TRIM39: variants seen among roughly 807,000 people sequenced by gnomAD.
The protein encoded by TRIM39 is E3 ubiquitin-protein ligase TRIM39.
A neutral mutation model predicts 53.6 loss-of-function variants in TRIM39; 5 were observed. The ratio of observed to expected loss-of-function variants is 0.09; its 90% CI spans 0.05 to 0.20. The LOEUF (loss-of-function observed/expected upper bound fraction) is 0.20, where lower values mean the gene tolerates loss of function less well. TRIM39 is among the 10% of genes least tolerant of loss of function. The pLI, the probability that TRIM39 is intolerant of heterozygous loss-of-function variation, is 1.00. For synonymous variants in TRIM39, 196 were observed against 237.6 expected (o/e 0.82, Z 1.61); for missense variants, 310 against 621.0 (o/e 0.50, Z 5.32).
chr6:30,335,871 C>G lies in TRIM39; in HGVS notation c.676C>G (p.Leu226Val). The stretch of plus-strand genomic sequence containing the variant: ...AGAGGAACAGGACATTCTGCAGCGA[C>G]TCCGAGAAAATGCTGCTCACCTTGG... The change falls in exon 5 of 8, where the codon CTC becomes GTC. Residue 226 changes from leucine to valine, a missense_variant. Around this residue, in one of 5 missense-constraint regions of TRIM39, gnomAD observed 161 missense variants for 210.0 expected, o/e 0.77. Coordinates refer to ENST00000396551, the Ensembl canonical transcript of TRIM39. This position sits in a 1 kb window ranked among gnomAD's most constrained non-coding sequence, Gnocchi z 4.7. 2 of 1,613,036 alleles carry G rather than the reference C, an allele frequency of 1.2e-6. No homozygotes were observed. The highest frequency in any genetic ancestry group is 1.7e-6 in the Non-Finnish European group (2 of 1,180,028).
rs1463729274 is a variant in TRIM39 at position 30,330,889 on chromosome 6, A to G, written c.549+13A>G. 6.2e-7 allele frequency: 1 copy of G among 1,613,584 alleles called. No homozygotes were observed. Among genetic ancestry groups the G allele is most frequent in the East Asian group, 2.2e-5 (1 of 44,896 alleles). On this transcript the variant is annotated intron_variant, in intron 4 of 7. Transcript: ENST00000396551. ...TGGTGAGCTCAAGGTAAAGGCAGGC[A>G]ATCCCATGTAGGCTGCTCTGAAGGG... is the stretch of plus-strand genomic sequence containing the variant.
intron 2 of TRIM39, 51 bp from the exon 3 acceptor site, chr6:30,329,256 GAAAA>G: frequency 2.2e-6 from 3 of 1,346,106 alleles, no homozygotes; most frequent in South Asian, 1.5e-5. Flanking sequence ...AAAAAAAAAA[GAAAA>G]AACCTCCAAT....
chr6:30,327,632 C>G (rs1467089695), intron 1 of TRIM39: 2 of 152,502 alleles, frequency 1.3e-5, no homozygotes, highest in Non-Finnish European at 2.9e-5. Flanking sequence ...ATTTCTCTCA[C>G]CACTTCTTTG....
Position 30,335,953 on chromosome 6 carries a change from A to G in TRIM39, c.758A>G (p.Gln253Arg). The G allele has an allele frequency of 6.2e-7, 1 of 1,612,878 alleles. No individual in the cohort carries two copies. ...GCCGAGGTGGAGGGCAAGTGCTTAC[A>G]GTCAGGCTTCGAGATGCTTAAGGTT... The change falls in exon 5 of 8, where the codon CAG becomes CGG. Residue 253 changes from glutamine (Q) to arginine (R), a missense_variant. By Grantham distance (43) the Gln-to-Arg change is conservative (BLOSUM62 1). Around this residue, in one of 5 missense-constraint regions of TRIM39, gnomAD observed 161 missense variants for 210.0 expected, o/e 0.77. Transcript: ENST00000396551. The surrounding 1 kb of genome is among the most constrained non-coding windows in gnomAD (Gnocchi z 4.7).
chr6:30,329,836 C>T lies in TRIM39; in HGVS notation c.453+66C>T, dbSNP rs538989691. On this transcript the variant is annotated intron_variant, in intron 3 of 7. Coordinates refer to ENST00000396551, the Ensembl canonical transcript of TRIM39. ...GAGAAGCGGCAGAGGATGAGATACTCCCTAGGTAGAGATCGTAAGCTCCTA... is the reference window on the plus strand; with the variant it reads ...GAGAAGCGGCAGAGGATGAGATACTTCCTAGGTAGAGATCGTAAGCTCCTA... 7.7e-5 allele frequency: 119 copies of T among 1,544,904 alleles called. No individual in the cohort carries two copies. In the African/African-American group the frequency reaches 9.2e-4, roughly 12 times the overall value.
chr6:30,327,088 C>T (rs2127377873), intron 1 of TRIM39, 93 bp downstream of exon 1: 1 of 152,266 alleles, frequency 6.6e-6, no homozygotes, highest in South Asian at 2.1e-4. Context: ...GACTGCGTCA[C>T]CGGCCCCCCG....
rs372802512 is a variant in TRIM39, at chr6:30,338,883, G to A, written c.781-1025G>A. The stretch of plus-strand genomic sequence containing the variant: ...TGTTTGAAATATTTTGTTCTCTTAC[G>A]TAAATGAATGGTGTTAGCAAAACTA... On this transcript the variant is annotated intron_variant, in intron 5 of 7. Coordinates refer to ENST00000396551, the Ensembl canonical transcript of TRIM39. This position sits in a 1 kb window ranked among gnomAD's most constrained non-coding sequence, Gnocchi z 4.0. 2.0e-4 allele frequency among the ~76,000 whole-genome samples: 30 copies of A among 152,152 alleles called. No homozygotes were observed. The East Asian group carries it at 5.6e-3, about 28-fold the overall frequency.
chr6:30,329,864 A>G, intron 3 of TRIM39, 94 bp downstream of exon 3: 1 of 1,465,714 alleles, frequency 6.8e-7, no homozygotes. Context: ...AGCTCCTACT[A>G]CTCACTTTGT....
At chr6:30,329,650 T>C (rs750492951) in exon 3 of TRIM39, 2 of 1,613,058 alleles carry the variant, frequency 1.2e-6, no homozygotes, top group Non-Finnish European at 8.5e-7. Flanking sequence ...CCCAACACCA[T>C]GAGGCCCTCA....
Position 30,335,605 on chromosome 6 carries a change from G to A in TRIM39, c.550-140G>A, listed in dbSNP as rs1196959583. Reference sequence around the variant, plus strand: ...CCCAAAGTCCTGGGATTACAGTCATGTGTCACCACACCCAGCCTTTGTTAA... The same window carrying A: ...CCCAAAGTCCTGGGATTACAGTCATATGTCACCACACCCAGCCTTTGTTAA... On this transcript the variant is annotated intron_variant, in intron 4 of 7. Coordinates refer to ENST00000396551, the Ensembl canonical transcript of TRIM39. This position sits in a 1 kb window ranked among gnomAD's most constrained non-coding sequence, Gnocchi z 4.7. 7 of 1,169,402 alleles carry A rather than the reference G, an allele frequency of 6.0e-6. No individual in the cohort carries two copies. The East Asian group carries it at 1.0e-4, about 17-fold the overall frequency. The allele number at this position is 1,169,402 out of a possible 1,614,324, so 72.4% of individuals were successfully genotyped here.
chr6:30,330,665 C>A, intron 3 of TRIM39, 116 bp from the exon 4 acceptor site: 1 of 1,073,952 alleles, frequency 9.3e-7, no homozygotes, highest in Non-Finnish European at 1.3e-6. Context: ...GATCAAGAGG[C>A]AGTAAGATGG....
exon 4 of TRIM39, chr6:30,330,801 G>A: frequency 6.2e-7 from 1 of 1,614,122 alleles, no homozygotes; most frequent in Non-Finnish European, 8.5e-7. Flanking sequence ...AGAAGTGTCT[G>A]GAGCCCCTGG....
chr6:30,335,661 T>C lies in TRIM39; in HGVS notation c.550-84T>C. 1 of 1,478,664 alleles carries C rather than the reference T, an allele frequency of 6.8e-7. No individual in the cohort carries two copies. Among genetic ancestry groups the C allele is most frequent in the Non-Finnish European group, 9.1e-7 (1 of 1,104,088 alleles). 91.6% of individuals were successfully genotyped at this position (1,478,664 alleles called of 1,614,324 possible). A position where few individuals can be genotyped will look rare whatever the true frequency, so the allele number is the denominator to read the frequency against. ...TTTCAATGAAACTGGAAGTCTGTGT[T>C]AATTCATACATATGGTGGGTGAGAG... On this transcript the variant is annotated intron_variant, in intron 4 of 7. Coordinates refer to ENST00000396551, the Ensembl canonical transcript of TRIM39. This position sits in a 1 kb window ranked among gnomAD's most constrained non-coding sequence, Gnocchi z 4.7.
exon 8 of TRIM39, chr6:30,341,902 C>T (rs201329517): frequency 3.6e-5 from 58 of 1,612,810 alleles, no homozygotes; most frequent in South Asian, 2.2e-5. Context: ...TGGAGGTGGG[C>T]GACAAGACCC....
chr6:30,328,640 C>CT (rs565272336), intron 1 of TRIM39, among the ~76,000 whole-genome samples: 37 of 144,048 alleles, frequency 2.6e-4, no homozygotes, highest in South Asian at 8.8e-4. Context: ...TATGCATGGA[C>CT]TTTTTTTTTT....
chr6:30,340,145 GAAGGAGAATGAT>G (rs1294686442), intron 6 of TRIM39: 3 of 1,070,412 alleles, frequency 2.8e-6, no homozygotes, highest in Non-Finnish European at 4.2e-6. Context: ...GACTTCTTGA[GAAGGAGAATGAT>G]AAGGTAGAAT....
intron 3 of TRIM39, among the ~76,000 whole-genome samples, chr6:30,330,441 T>C (rs996915611): frequency 6.6e-6 from 1 of 152,102 alleles, no homozygotes; most frequent in African/African-American, 2.4e-5. Context: ...TAAAGAGAGA[T>C]ATTAGGGTAC....
chr6:30,326,606 G>C (rs1269358011), exon 1 of TRIM39: 1 of 152,428 alleles, frequency 6.6e-6, no homozygotes, highest in East Asian at 1.9e-4. Context: ...AGACAGCCTC[G>C]CCGGCCGGGG....
At position 30,342,325 on chromosome 6, in the gene TRIM39, C is replaced by A. The variant is rs1787638400; in HGVS notation, c.*66C>A. Reference sequence around the variant, plus strand: ...AGTGCTACGGGCCTCCTTCCCGTGTCCTGCTGGAACGTCTTCGTGTCCACC... The same window carrying A: ...AGTGCTACGGGCCTCCTTCCCGTGTACTGCTGGAACGTCTTCGTGTCCACC... On this transcript the variant is annotated 3_prime_UTR_variant, in exon 8 of 8. Transcript: ENST00000396551. The surrounding 1 kb of genome is among the most constrained non-coding windows in gnomAD (Gnocchi z 4.7). 6.5e-7 allele frequency: 1 copy of A among 1,532,100 alleles called. No individual in the cohort carries two copies. Among genetic ancestry groups the A allele is most frequent in the Non-Finnish European group, 8.9e-7 (1 of 1,120,546 alleles). 94.9% of individuals were successfully genotyped at this position (1,532,100 alleles called of 1,614,324 possible). A position where few individuals can be genotyped will look rare whatever the true frequency, so the allele number is the denominator to read the frequency against.
Sources: allele counts gnomAD v4.1 joint callset (sites outside exome capture counted in the v4.1 genomes callset), GRCh38; gene constraint gnomAD v4.1.1; regional missense constraint gnomAD v4.1.1; non-coding constraint Gnocchi (gnomAD v3.1); transcripts MANE v1.5; gene names NCBI Gene and HGNC (gene_info 2026-07-23, HGNC 2026-07-21).